LRP1B: variants seen among roughly 807,000 people sequenced by gnomAD.
LRP1B encodes low-density lipoprotein receptor-related protein 1B.
LRP1B carries 217 observed loss-of-function variants against 556.6 expected under a neutral mutation model. That is an observed-to-expected ratio of 0.39 (90% confidence interval 0.35 to 0.44). LRP1B has a LOEUF of 0.44. Among genes scored for constraint, LRP1B ranks in the 20% least tolerant of loss-of-function variants. The pLI, the probability that LRP1B is intolerant of heterozygous loss-of-function variation, is 1.00. For synonymous variants in LRP1B, 2,047 were observed against 1,865.8 expected (o/e 1.10, Z -2.50); for missense variants, 5,053 against 5,620.8 (o/e 0.90, Z 3.23).
At chr2:140,430,696 A>C (rs919359220) in intron 66 of LRP1B, among the ~76,000 whole-genome samples, 6 of 152,162 alleles carry the variant, frequency 3.9e-5, no homozygotes, top group Admixed American at 1.3e-4. Context: ...TCACAGGCCC[A>C]TTCTATTCTG....
At chr2:140,682,123 G>T (rs780141882) in intron 41 of LRP1B, among the ~76,000 whole-genome samples, 1 of 152,120 alleles carries the variant, frequency 6.6e-6, no homozygotes, top group African/African-American at 2.4e-5. Flanking sequence ...AAACAGTTAC[G>T]TGTTTCATCC....
Position 140,452,945 on chromosome 2 carries a change from T to TTG in LRP1B, c.9964-2286_9964-2285dup, listed in dbSNP as rs1450047651. On this transcript the variant is annotated intron_variant, in intron 62 of 90. Coordinates refer to ENST00000389484, the MANE Select transcript of LRP1B (RefSeq NM_018557.3). ...TATTTGCTTAGCTTGTACATGTCTG[T>TTG]TGTGTGTGTGTGTGTGTTTTTTTTT... is the stretch of plus-strand genomic sequence containing the variant. Among the ~76,000 whole-genome samples the TTG allele has an allele frequency of 1.6e-3, 223 of 142,262 alleles. 5 individuals carry two copies. Among genetic ancestry groups the TTG allele is most frequent in the Non-Finnish European group, 1.9e-3 (125 of 65,750 alleles). The allele number at this position is 142,262 out of a possible 152,430, so 93.3% of individuals were successfully genotyped here.
chr2:140,617,388 C>A (rs942520836), intron 41 of LRP1B, among the ~76,000 whole-genome samples: 6 of 151,872 alleles, frequency 4.0e-5, no homozygotes, highest in African/African-American at 1.2e-4. Context: ...TAATTATCAA[C>A]AAATCTAGTT....
intron 7 of LRP1B, among the ~76,000 whole-genome samples, chr2:141,087,772 G>A (rs1277319576): frequency 6.6e-6 from 1 of 152,208 alleles, no homozygotes; most frequent in Non-Finnish European, 1.5e-5. Flanking sequence ...AATTTAGAAT[G>A]AGCTAGAGGT....
chr2:140,523,627 C>T (rs571469904), intron 49 of LRP1B, among the ~76,000 whole-genome samples: 1 of 151,666 alleles, frequency 6.6e-6, no homozygotes, highest in African/African-American at 2.4e-5. Context: ...TAAATGTACA[C>T]CTAAAGACTC....
At chr2:141,725,580 G>A (rs968920653) in intron 2 of LRP1B, among the ~76,000 whole-genome samples, 1 of 151,802 alleles carries the variant, frequency 6.6e-6, no homozygotes, top group Non-Finnish European at 1.5e-5. Context: ...ATTTGGGAAG[G>A]ATTTTTTAAA....
At chr2:141,692,162 GTAAC>G (rs1310831257) in intron 2 of LRP1B, among the ~76,000 whole-genome samples, 1 of 151,880 alleles carries the variant, frequency 6.6e-6, no homozygotes, top group African/African-American at 2.4e-5. Context: ...TTTCTACAGA[GTAAC>G]TAAGAGTAAC....
intron 2 of LRP1B, among the ~76,000 whole-genome samples, chr2:141,511,580 GT>G (rs1380169894): frequency 3.3e-5 from 5 of 152,050 alleles, no homozygotes; most frequent in African/African-American, 1.2e-4. Context: ...TGTTGTGTTG[GT>G]AAAACATTCG....
rs1361366184 is a variant in LRP1B at position 141,601,624 on chromosome 2, TTCCTTC to T, written c.206-121097_206-121092del. Among the ~76,000 whole-genome samples, 33 of 151,068 alleles carry T rather than the reference TTCCTTC, an allele frequency of 2.2e-4. 1 individual carries two copies. The East Asian group carries it at 4.3e-3, about 20-fold the overall frequency. On this transcript the variant is annotated intron_variant, in intron 2 of 90. Coordinates refer to ENST00000389484, the MANE Select transcript of LRP1B (RefSeq NM_018557.3). ...TTTCCTTCCTTCCTTCCTTCCTTCC[TTCCTTC>T]CTTCCTTCCTTCCTTTTTTTTTCCT...
At chr2:141,969,391 T>A (rs532880486) in intron 1 of LRP1B, among the ~76,000 whole-genome samples, 1 of 151,476 alleles carries the variant, frequency 6.6e-6, no homozygotes, top group Non-Finnish European at 1.5e-5. Flanking sequence ...TTGAGCAGCA[T>A]CATCTTTCCA....
intron 3 of LRP1B, among the ~76,000 whole-genome samples, chr2:141,255,669 A>G (rs1427208573): frequency 2.6e-5 from 4 of 151,948 alleles, no homozygotes; most frequent in South Asian, 4.1e-4. Flanking sequence ...ATATTCTGTC[A>G]TATATGATGA....
At chr2:141,499,409 G>A (rs187851913) in intron 2 of LRP1B, among the ~76,000 whole-genome samples, 24 of 152,162 alleles carry the variant, frequency 1.6e-4, no homozygotes, top group African/African-American at 5.1e-4. Flanking sequence ...CCTCTTACTT[G>A]TTCACATTGG....
chr2:141,481,765 T>G (rs144055592), intron 2 of LRP1B, among the ~76,000 whole-genome samples: 7 of 152,132 alleles, frequency 4.6e-5, no homozygotes, highest in African/African-American at 1.7e-4. Flanking sequence ...CCAGTATTCA[T>G]AAGCTGAGTG....
intron 1 of LRP1B, among the ~76,000 whole-genome samples, chr2:141,929,491 A>ACTT (rs1700426951): frequency 6.6e-6 from 1 of 152,034 alleles, no homozygotes; most frequent in Non-Finnish European, 1.5e-5. Flanking sequence ...TTTAAAAGAC[A>ACTT]GAAGCACAAC....
intron 2 of LRP1B, among the ~76,000 whole-genome samples, chr2:141,531,488 T>C (rs1284180611): frequency 1.3e-5 from 2 of 152,128 alleles, no homozygotes; most frequent in Non-Finnish European, 2.9e-5. Flanking sequence ...CTGTGTCATG[T>C]ACAATGGAAG....
chr2:141,702,664 A>T (rs550550500), intron 2 of LRP1B, among the ~76,000 whole-genome samples: 59 of 151,944 alleles, frequency 3.9e-4, no homozygotes, highest in African/African-American at 1.2e-3. Flanking sequence ...ATGCTCAGAA[A>T]TGTTTTAAGC....
chr2:140,832,752 G>T (rs1162373598), intron 31 of LRP1B, among the ~76,000 whole-genome samples: 1 of 152,144 alleles, frequency 6.6e-6, no homozygotes, highest in Non-Finnish European at 1.5e-5. Flanking sequence ...GAACAAAGGA[G>T]TAGGGGGATG....
At chr2:141,669,178 A>T (rs983941131) in intron 2 of LRP1B, among the ~76,000 whole-genome samples, 1 of 152,098 alleles carries the variant, frequency 6.6e-6, no homozygotes, top group Non-Finnish European at 1.5e-5. Context: ...AGGTCATTAA[A>T]ATTAAATGGG....
intron 2 of LRP1B, among the ~76,000 whole-genome samples, chr2:141,723,266 T>C (rs1340150855): frequency 6.6e-6 from 1 of 151,204 alleles, no homozygotes; most frequent in African/African-American, 2.4e-5. Context: ...TCTTTTGTTT[T>C]TTTCACTGTG....
Sources: gnomAD v4.1 joint callset for allele counts (sites outside exome capture counted in the v4.1 genomes callset) on GRCh38, gnomAD v4.1.1 for gene constraint, MANE v1.5 for transcripts, NCBI Gene and HGNC (gene_info 2026-07-23, HGNC 2026-07-21) for gene names.